The following VPS13D variants were observed in gnomAD, a reference collection of about 807,000 sequenced individuals.
VPS13D encodes the protein vacuolar protein sorting 13 homolog D.
VPS13D carries 187 observed loss-of-function variants against 461.9 expected under a neutral mutation model. That is an observed-to-expected ratio of 0.40 (90% CI 0.36 to 0.46). The LOEUF is 0.46. Ranked by LOEUF, VPS13D falls within the 20% of genes least tolerant of loss-of-function variation. The pLI is 0.60. For synonymous variants in VPS13D, 1,951 were observed against 1,986.3 expected (o/e 0.98, Z 0.47); for missense variants, 4,711 against 5,364.9 (o/e 0.88, Z 3.81).
At chr1:12,417,279 C>T (rs960638070) in intron 65 of VPS13D, among the ~76,000 whole-genome samples, 2 of 152,216 alleles carry the variant, frequency 1.3e-5, no homozygotes, top group Admixed American at 6.5e-5. Flanking sequence ...CTGAAACCAG[C>T]AGCAGATGGA....
At chr1:12,329,799 C>A (rs1253291993) in intron 36 of VPS13D, 30 bp from the exon 37 acceptor site, 12 of 1,601,774 alleles carry the variant, frequency 7.5e-6, no homozygotes, top group Non-Finnish European at 1.0e-5. Flanking sequence ...TCCTGCCCTG[C>A]CGCTGCAGTA....
At chr1:12,368,855 G>T (rs1211635968) in intron 53 of VPS13D, among the ~76,000 whole-genome samples, 1 of 152,146 alleles carries the variant, frequency 6.6e-6, no homozygotes, top group Non-Finnish European at 1.5e-5. Context: ...AGAGTGGTTG[G>T]TTGACACTGT....
chr1:12,368,061 A>C (rs184394193), intron 52 of VPS13D, among the ~76,000 whole-genome samples: 5 of 152,188 alleles, frequency 3.3e-5, no homozygotes, highest in Admixed American at 1.3e-4. Context: ...GTGAGCCACC[A>C]TGCCCAGCCA....
intron 67 of VPS13D, among the ~76,000 whole-genome samples, chr1:12,476,687 T>G (rs1645635262): frequency 6.6e-6 from 1 of 152,194 alleles, no homozygotes; most frequent in Non-Finnish European, 1.5e-5. Context: ...GCTTAAGTGG[T>G]TCTCTATAAC....
chr1:12,356,126 T>A (rs1378296616), intron 48 of VPS13D, 36 bp downstream of exon 48: 1 of 1,564,274 alleles, frequency 6.4e-7, no homozygotes, highest in Non-Finnish European at 8.7e-7. Context: ...GTCTTTGGCG[T>A]TAGTCATGGG....
chr1:12,441,746 T>A (rs1300533086), intron 65 of VPS13D, among the ~76,000 whole-genome samples: 1 of 152,218 alleles, frequency 6.6e-6, no homozygotes, highest in Non-Finnish European at 1.5e-5. Context: ...AATCAATACC[T>A]TTCATCTGTT....
At chr1:12,407,065 TA>T (rs1644665916) in intron 63 of VPS13D, among the ~76,000 whole-genome samples, 1 of 152,216 alleles carries the variant, frequency 6.6e-6, no homozygotes, top group African/African-American at 2.4e-5. Context: ...CTCCCCTCCC[TA>T]AATAAAAACC....
intron 42 of VPS13D, among the ~76,000 whole-genome samples, chr1:12,343,589 G>A (rs139592661): frequency 0.019 from 2,911 of 152,074 alleles, 114 homozygotes; most frequent in Admixed American, 0.1. Flanking sequence ...TGCCCAGGCT[G>A]GTCTCAAACT....
At chr1:12,273,478 A>G (rs1323350947) in intron 18 of VPS13D, among the ~76,000 whole-genome samples, 1 of 152,192 alleles carries the variant, frequency 6.6e-6, no homozygotes, top group Admixed American at 6.5e-5. Flanking sequence ...AGAATTGTGC[A>G]GTTCTCACTG....
intron 65 of VPS13D, among the ~76,000 whole-genome samples, chr1:12,448,631 C>A (rs767384942): frequency 1.3e-5 from 2 of 152,160 alleles, no homozygotes; most frequent in Non-Finnish European, 2.9e-5. Context: ...CTTCATAATT[C>A]TTTATAATCA....
intron 2 of VPS13D, among the ~76,000 whole-genome samples, chr1:12,238,515 C>T (rs1289863877): frequency 6.6e-6 from 1 of 151,602 alleles, no homozygotes; most frequent in African/African-American, 2.4e-5. Context: ...TTTTTTTCCT[C>T]CACCTCAAAA....
rs748258776 is a variant in VPS13D, at chr1:12,348,813, T to C, written c.9070-10T>C. 14 of 1,613,620 alleles carry C rather than the reference T, an allele frequency of 8.7e-6. No individual in the cohort carries two copies. The highest frequency in any genetic ancestry group is 2.2e-5 in the East Asian group (1 of 44,892). On this transcript the variant is annotated splice_polypyrimidine_tract_variant and intron_variant, in intron 44 of 69. Transcript: ENST00000620676. ...AACATAACTATTTTGTCTTTATCGCTCTTTCACAGTTCTCTTCACTCCCAC... is the reference window on the plus strand; with the variant it reads ...AACATAACTATTTTGTCTTTATCGCCCTTTCACAGTTCTCTTCACTCCCAC...
Position 12,347,079 on chromosome 1 carries a change from T to C in VPS13D, c.9069+427T>C, listed in dbSNP as rs561326513. The stretch of plus-strand genomic sequence containing the variant: ...GACATTAACAAACTTATTCCAGGCT[T>C]TTATTTATAATTTCTTCTCCCTGAT... On this transcript the variant is annotated intron_variant, in intron 44 of 69. Coordinates refer to ENST00000620676, the MANE Select transcript of VPS13D (RefSeq NM_015378.4). Among the ~76,000 whole-genome samples the C allele has an allele frequency of 2.6e-5, 4 of 152,338 alleles. No individual in the cohort carries two copies. The East Asian group carries it at 5.8e-4, about 22-fold the overall frequency.
chr1:12,328,064 A>T (rs964935795), intron 36 of VPS13D, among the ~76,000 whole-genome samples: 1 of 152,210 alleles, frequency 6.6e-6, no homozygotes, highest in African/African-American at 2.4e-5. Context: ...GGGAATAGGA[A>T]TGGTCTTTGA....
At chr1:12,304,903 A>C (rs983130515) in intron 26 of VPS13D, among the ~76,000 whole-genome samples, 175 bp downstream of exon 26, 1 of 152,174 alleles carries the variant, frequency 6.6e-6, no homozygotes, top group Non-Finnish European at 1.5e-5. Flanking sequence ...TTGGGTGTAG[A>C]TTTATCATTG....
intron 24 of VPS13D, among the ~76,000 whole-genome samples, chr1:12,294,798 G>A (rs1334119852): frequency 2.0e-5 from 3 of 152,082 alleles, no homozygotes; most frequent in Admixed American, 1.3e-4. Context: ...GCGACAGAGC[G>A]AGACTCCGTC....
chr1:12,258,566 G>A (rs1273560671), intron 10 of VPS13D, among the ~76,000 whole-genome samples: 1 of 152,230 alleles, frequency 6.6e-6, no homozygotes, highest in African/African-American at 2.4e-5. Context: ...GTGAAGGCAA[G>A]CTCATGTTTT....
chr1:12,295,639 T>G lies in VPS13D; in HGVS notation c.6033+1935T>G, dbSNP rs1467222825. Among the ~76,000 whole-genome samples, 5 of 152,230 alleles carry G rather than the reference T, an allele frequency of 3.3e-5. No individual in the cohort carries two copies. In the East Asian group the frequency reaches 9.6e-4, roughly 29 times the overall value. ...ATTTGCTCATGGAATATATAACCTT[T>G]TTTTCTTTCTTTAACAACTCAAAAA... On this transcript the variant is annotated intron_variant, in intron 24 of 69. Coordinates refer to ENST00000620676, the MANE Select transcript of VPS13D (RefSeq NM_015378.4).
intron 41 of VPS13D, 64 bp from the exon 42 acceptor site, chr1:12,342,835 G>T: frequency 7.2e-6 from 11 of 1,529,712 alleles, no homozygotes; most frequent in Non-Finnish European, 9.8e-6. Context: ...TTCTGCACGG[G>T]GCTCCTGTGA....
Sources: gnomAD v4.1 joint callset for allele counts (sites outside exome capture counted in the v4.1 genomes callset) on GRCh38, gnomAD v4.1.1 for gene constraint, MANE v1.5 for transcripts, NCBI Gene and HGNC (gene_info 2026-07-23, HGNC 2026-07-21) for gene names.